Variants in CELF2 observed in about 807,000 individuals in gnomAD.
The protein encoded by CELF2 is CUGBP Elav-like family member 2, also known as CUG triplet repeat RNA-binding protein 2.
CELF2 carries 8 observed loss-of-function variants against 62.6 expected under a neutral mutation model. The ratio of observed to expected loss-of-function variants is 0.13; its 90% CI spans 0.07 to 0.23. The LOEUF is 0.23. Ranked by LOEUF, CELF2 falls within the 10% of genes least tolerant of loss-of-function variation. The pLI is 1.00. For synonymous variants in CELF2, 258 were observed against 250.0 expected, an observed-to-expected ratio of 1.03 and a Z score of -0.30; for missense variants, 333 against 671.0, an observed-to-expected ratio of 0.50 and a Z score of 5.56.
chr10:10,810,330 G>A (rs752715430), intron 1 of CELF2, among the ~76,000 whole-genome samples: 2 of 152,160 alleles, frequency 1.3e-5, no homozygotes, highest in Non-Finnish European at 2.9e-5. Flanking sequence ...CTGAATGTGA[G>A]AGCTAAAATT....
chr10:11,059,458 C>T (rs1201843858), intron 1 of CELF2, among the ~76,000 whole-genome samples: 3 of 152,174 alleles, frequency 2.0e-5, no homozygotes, highest in Non-Finnish European at 4.4e-5. Flanking sequence ...GCCCTTTTCT[C>T]ACCATGAGGA....
At chr10:10,526,259 AC>A in the CELF2 span, among the ~76,000 whole-genome samples, 2 of 152,232 alleles carry the variant, frequency 1.3e-5, no homozygotes, top group African/African-American at 4.8e-5. Flanking sequence ...ATAGGCTGTC[AC>A]ATGAAAAACA....
At chr10:11,194,428 A>G (rs189439219) in intron 2 of CELF2, among the ~76,000 whole-genome samples, 42 of 152,314 alleles carry the variant, frequency 2.8e-4, no homozygotes, top group African/African-American at 1.0e-3. Context: ...AAAATTTTTA[A>G]ATGAAAACAT....
chr10:10,870,343 T>C (rs2060660175), intron 1 of CELF2, among the ~76,000 whole-genome samples: 4 of 152,296 alleles, frequency 2.6e-5, no homozygotes, highest in Admixed American at 2.6e-4. Flanking sequence ...GGGGTATATA[T>C]ATTTAAGTCT....
chr10:11,008,476 C>T lies in CELF2; in HGVS notation c.53+3036C>T, dbSNP rs535941154. ...AAAATCTCCTTTTGGGGCTGAAAAA[C>T]GAAAGTGAGCATTTGATTAGTATTC... On this transcript the variant is annotated intron_variant, in intron 1 of 12. Coordinates refer to the CELF2 transcript ENST00000416382. The surrounding 1 kb of genome is among the most constrained non-coding windows in gnomAD (Gnocchi z 4.5). Among the ~76,000 whole-genome samples, 127 of 152,150 alleles carry T rather than the reference C, an allele frequency of 8.3e-4. No homozygotes were observed. The highest frequency in any genetic ancestry group is 2.6e-3 in the African/African-American group (108 of 41,490).
At chr10:10,686,304 A>AT in the CELF2 span, among the ~76,000 whole-genome samples, 15,956 of 36,474 alleles carry the variant, frequency 0.44, 3,604 homozygotes, top group Admixed American at 0.61. Flanking sequence ...GGGTTTTTGG[A>AT]TTTTTTGGGG....
chr10:11,308,518 C>G (rs1432679040), intron 9 of CELF2, among the ~76,000 whole-genome samples: 3 of 152,208 alleles, frequency 2.0e-5, no homozygotes, highest in African/African-American at 7.2e-5. Flanking sequence ...TCTGCCAACT[C>G]AAACCAACTG....
chr10:10,730,140 T>A, the CELF2 span, among the ~76,000 whole-genome samples: 1 of 151,696 alleles, frequency 6.6e-6, no homozygotes, highest in Non-Finnish European at 1.5e-5. Context: ...AATCCTCTAA[T>A]TTTTTTTTCC....
chr10:11,249,550 T>C (rs1262914469), intron 4 of CELF2, among the ~76,000 whole-genome samples: 1 of 152,146 alleles, frequency 6.6e-6, no homozygotes, highest in Admixed American at 6.5e-5. Flanking sequence ...CCAGAGGACG[T>C]CTGCAGGAAA....
chr10:10,786,717 C>T, the CELF2 span: 2 of 152,110 alleles, frequency 1.3e-5, no homozygotes. Flanking sequence ...GGTGGTCTGC[C>T]ATCTCACTTG....
intron 1 of CELF2, among the ~76,000 whole-genome samples, chr10:11,078,312 A>G (rs1440190101): frequency 6.6e-6 from 1 of 152,184 alleles, no homozygotes; most frequent in Non-Finnish European, 1.5e-5. Flanking sequence ...CTTGGGTGCT[A>G]CAGATTTCAT....
chr10:10,838,556 ATTAT>A (rs968691276), intron 1 of CELF2, among the ~76,000 whole-genome samples: 22 of 152,250 alleles, frequency 1.4e-4, no homozygotes, highest in African/African-American at 4.1e-4. Flanking sequence ...TAGGTATTAA[ATTAT>A]TTATTTATAT....
chr10:10,664,060 A>C, the CELF2 span, among the ~76,000 whole-genome samples: 1 of 152,230 alleles, frequency 6.6e-6, no homozygotes, highest in Non-Finnish European at 1.5e-5. Context: ...TAACATCCTC[A>C]GAGTCAAAAA....
At chr10:10,470,849 C>T in the CELF2 span, among the ~76,000 whole-genome samples, 1 of 151,014 alleles carries the variant, frequency 6.6e-6, no homozygotes, top group African/African-American at 2.4e-5. Flanking sequence ...TTTGGGAATC[C>T]ATTCTTCTAC....
chr10:10,750,821 C>T, the CELF2 span, among the ~76,000 whole-genome samples: 6 of 152,172 alleles, frequency 3.9e-5, no homozygotes, highest in African/African-American at 1.2e-4. Flanking sequence ...CTGGCAAAGG[C>T]GTCCTTGAAA....
At chr10:11,106,911 G>C (rs186051146) in intron 1 of CELF2, among the ~76,000 whole-genome samples, 5 of 152,334 alleles carry the variant, frequency 3.3e-5, no homozygotes, top group Middle Eastern at 6.8e-3. Flanking sequence ...CTGCAGAAAG[G>C]CTGCTGGGGC....
At chr10:11,101,467 C>T (rs2142548973) in intron 1 of CELF2, among the ~76,000 whole-genome samples, 1 of 152,248 alleles carries the variant, frequency 6.6e-6, no homozygotes, top group Admixed American at 6.5e-5. Context: ...AGGGCTAGCT[C>T]TCAAGACATA....
intron 2 of CELF2, among the ~76,000 whole-genome samples, chr10:10,965,875 C>T (rs1028920674): frequency 1.3e-5 from 2 of 152,226 alleles, no homozygotes; most frequent in Admixed American, 6.5e-5. Flanking sequence ...TATTACCCAA[C>T]TTATGAATGG....
the CELF2 span, among the ~76,000 whole-genome samples, chr10:10,495,699 C>G: frequency 6.6e-6 from 1 of 152,214 alleles, no homozygotes. Flanking sequence ...TACCATGACT[C>G]TAAGTGACCT....
Sources: allele counts gnomAD v4.1 joint callset (sites outside exome capture counted in the v4.1 genomes callset), GRCh38; gene constraint gnomAD v4.1.1; non-coding constraint Gnocchi (gnomAD v3.1); transcripts MANE v1.5; gene names NCBI Gene and HGNC (gene_info 2026-07-23, HGNC 2026-07-21).